LRRC53: variants seen among roughly 807,000 people sequenced by gnomAD.
LRRC53 encodes the protein leucine-rich repeat-containing protein 53.
Under a neutral mutation model 13.6 loss-of-function variants are expected in LRRC53, and 25 were observed. The ratio of observed to expected loss-of-function variants is 1.83; its 90% CI spans 1.34 to 2.56. The LOEUF is 2.56. Among genes scored for constraint, LRRC53 ranks in the 30% most tolerant of loss-of-function variants. LRRC53 has a pLI of 0.00. For synonymous variants in LRRC53, 204 were observed against 109.8 expected, an observed-to-expected ratio of 1.86 and a Z score of -5.37; for missense variants, 527 against 275.8, an observed-to-expected ratio of 1.91 and a Z score of -6.45.
At chr1:74,508,906 C>T (rs1670043745) in intron 1 of LRRC53, among the ~76,000 whole-genome samples, 1 of 152,128 alleles carries the variant, frequency 6.6e-6, no homozygotes. Context: ...ACAGGGTCTG[C>T]AGAAAATTCA....
chr1:74,523,644 G>T, the LRRC53 span, among the ~76,000 whole-genome samples: 2 of 152,194 alleles, frequency 1.3e-5, no homozygotes, highest in African/African-American at 4.8e-5. Context: ...CCTACTGTAT[G>T]CCAGGCCCTG....
At chr1:74,477,558 GC>G (rs1336279154) in intron 3 of LRRC53, among the ~76,000 whole-genome samples, 3 of 152,146 alleles carry the variant, frequency 2.0e-5, no homozygotes, top group Non-Finnish European at 4.4e-5. Flanking sequence ...GAACAAAAGG[GC>G]TAAGTTTTCT....
chr1:74,474,754 A>G (rs17095399), intron 4 of LRRC53, among the ~76,000 whole-genome samples: 2,401 of 152,184 alleles, frequency 0.016, 68 homozygotes, highest in African/African-American at 0.055. Context: ...AGTGTGGGAC[A>G]ATGAATTAAG....
At chr1:74,518,899 T>C in the LRRC53 span, among the ~76,000 whole-genome samples, 2,683 of 96,344 alleles carry the variant, frequency 0.028, 303 homozygotes, top group African/African-American at 0.17. Context: ...TTTTTTATTA[T>C]ACTCTAAGTT....
chr1:74,482,291 A>T (rs1668543766), intron 2 of LRRC53, among the ~76,000 whole-genome samples: 1 of 152,164 alleles, frequency 6.6e-6, no homozygotes, highest in Non-Finnish European at 1.5e-5. Context: ...ATGAAATCTA[A>T]CTTCACAAAT....
chr1:74,481,683 C>T (rs1363262451), intron 2 of LRRC53, among the ~76,000 whole-genome samples: 1 of 152,160 alleles, frequency 6.6e-6, no homozygotes, highest in Admixed American at 6.5e-5. Context: ...CTGTTAAATC[C>T]CTTCACCATA....
At chr1:74,528,946 G>A in the LRRC53 span, among the ~76,000 whole-genome samples, 46 of 152,170 alleles carry the variant, frequency 3.0e-4, no homozygotes, top group Non-Finnish European at 4.1e-4. Context: ...CCAGAAAGGA[G>A]AAAGATACAA....
chr1:74,476,062 A>C (rs892780711), intron 3 of LRRC53, among the ~76,000 whole-genome samples: 2 of 152,172 alleles, frequency 1.3e-5, no homozygotes, highest in African/African-American at 4.8e-5. Context: ...TTTGGTAGAA[A>C]AAAAGGCTGT....
intron 1 of LRRC53, among the ~76,000 whole-genome samples, chr1:74,499,635 A>G (rs1669508792): frequency 6.6e-6 from 1 of 152,130 alleles, no homozygotes; most frequent in Admixed American, 6.5e-5. Context: ...CCTGGTAGAT[A>G]AGAGGGGAGG....
chr1:74,514,770 A>G (rs1312862976), upstream of LRRC53, among the ~76,000 whole-genome samples: 2 of 152,120 alleles, frequency 1.3e-5, no homozygotes, highest in African/African-American at 4.8e-5. Flanking sequence ...AAAAATGTGA[A>G]GGGGTATTGT....
At chr1:74,532,085 A>G in the LRRC53 span, among the ~76,000 whole-genome samples, 2 of 152,220 alleles carry the variant, frequency 1.3e-5, no homozygotes, top group African/African-American at 2.4e-5. Context: ...AACATAGCCC[A>G]GGCTGTGTTT....
chr1:74,515,365 C>A (rs747258236), upstream of LRRC53, among the ~76,000 whole-genome samples: 34 of 152,080 alleles, frequency 2.2e-4, no homozygotes, highest in Non-Finnish European at 4.6e-4. Flanking sequence ...ACACCTAACC[C>A]AGTATGAGAC....
intron 3 of LRRC53, among the ~76,000 whole-genome samples, chr1:74,478,912 T>C (rs1183218738): frequency 6.6e-6 from 1 of 152,192 alleles, no homozygotes; most frequent in Admixed American, 6.5e-5. Context: ...ACATGGTTTT[T>C]AAAAGAATTT....
intron 1 of LRRC53, among the ~76,000 whole-genome samples, chr1:74,501,617 G>C (rs1433685764): frequency 6.6e-6 from 1 of 152,072 alleles, no homozygotes; most frequent in African/African-American, 2.4e-5. Flanking sequence ...CTCCCGAGTA[G>C]CTGGGATTAC....
chr1:74,534,347 T>C, the LRRC53 span, among the ~76,000 whole-genome samples: 1 of 152,202 alleles, frequency 6.6e-6, no homozygotes, highest in Non-Finnish European at 1.5e-5. Flanking sequence ...TTGGACTGCA[T>C]ACCCATCTGA....
At chr1:74,489,329 G>A (rs1485204879) in intron 1 of LRRC53, 1 of 1,456,512 alleles carries the variant, frequency 6.9e-7, no homozygotes, top group Non-Finnish European at 9.4e-7. Context: ...ATGAGCTGGT[G>A]CTTATGAAAA....
rs1667890061 is a variant in LRRC53 at position 74,470,811 on chromosome 1, A to G, written c.2811T>C (p.Thr937=). The G allele has an allele frequency of 2.5e-6, 1 of 400,546 alleles. No homozygotes were observed. The highest frequency in any genetic ancestry group is 2.1e-5 in the African/African-American group (1 of 48,670). The allele number at this position is 400,546 out of a possible 1,614,324, so 24.8% of individuals were successfully genotyped here. A position where few individuals can be genotyped will look rare whatever the true frequency, so the allele number is the denominator to read the frequency against. The stretch of plus-strand genomic sequence containing the variant: ...AAGTGTATTCCTTGTTGTAGCTGTC[A>G]GTCTTGTGAGCATCTAAAAGTTGTG... ...NQTQLLDAHK[T]DSYNKEYTLD... Residue 937 remains threonine, a synonymous_variant, in exon 5 of 5, where the codon ACT becomes ACC. Coordinates refer to ENST00000294635, the MANE Select transcript of LRRC53 (RefSeq NM_001382280.1).
intron 1 of LRRC53, among the ~76,000 whole-genome samples, chr1:74,491,268 G>A (rs538433635): frequency 3.4e-4 from 52 of 152,306 alleles, no homozygotes; most frequent in Admixed American, 9.2e-4. Flanking sequence ...TCTCCAGGCT[G>A]GAGTGCAGTG....
At chr1:74,495,727 A>G (rs1045132972) in intron 1 of LRRC53, among the ~76,000 whole-genome samples, 2 of 151,940 alleles carry the variant, frequency 1.3e-5, no homozygotes, top group African/African-American at 4.8e-5. Flanking sequence ...CTCACTCAGG[A>G]CTCTCCTGTG....
Sources: gnomAD v4.1 joint callset for allele counts (sites outside exome capture counted in the v4.1 genomes callset) on GRCh38, gnomAD v4.1.1 for gene constraint, MANE v1.5 for transcripts, NCBI Gene and HGNC (gene_info 2026-07-23, HGNC 2026-07-21) for gene names.